The following SH3GL2 variants were observed in gnomAD, a reference collection of about 807,000 sequenced individuals.
SH3GL2 encodes the protein endophilin-A1.
Under a neutral mutation model 46.0 loss-of-function variants are expected in SH3GL2, and 24 were observed. That is an observed-to-expected ratio of 0.52 (90% CI 0.38 to 0.73). The LOEUF is 0.73. Ranked by LOEUF, SH3GL2 falls within the 30% of genes least tolerant of loss-of-function variation. The pLI, the probability that SH3GL2 is intolerant of heterozygous loss-of-function variation, is 0.00. For missense variants in SH3GL2, 413 were observed against 424.2 expected (o/e 0.97, Z 0.23); for synonymous variants, 196 against 147.1 (o/e 1.33, Z -2.40).
At chr9:17,622,294 C>T (rs1426740933) in intron 1 of SH3GL2, among the ~76,000 whole-genome samples, 4 of 152,088 alleles carry the variant, frequency 2.6e-5, no homozygotes, top group South Asian at 2.1e-4. Flanking sequence ...CTAGGAGAAT[C>T]GTAATATGCA....
chr9:17,746,957 AT>A, intron 1 of SH3GL2, 108 bp from the exon 2 acceptor site: 2 of 698,956 alleles, frequency 2.9e-6, no homozygotes, highest in South Asian at 3.9e-5. Context: ...AAGTCAGGGA[AT>A]GGTTGTGAGA....
intron 1 of SH3GL2, among the ~76,000 whole-genome samples, chr9:17,615,355 T>G (rs2383038): frequency 0.58 from 87,813 of 151,992 alleles, 27,334 homozygotes; most frequent in Non-Finnish European, 0.69. Context: ...TTTTCCTTGA[T>G]TTTAAAATTT....
intron 1 of SH3GL2, among the ~76,000 whole-genome samples, chr9:17,619,528 A>G (rs1819082406): frequency 6.6e-6 from 1 of 151,974 alleles, no homozygotes; most frequent in South Asian, 2.1e-4. Flanking sequence ...AAATACAAAA[A>G]TTAGCTGGGC....
At position 17,763,545 on chromosome 9, in the gene SH3GL2, C is replaced by G. The variant is rs546324755; in HGVS notation, c.187+2036C>G. 5.9e-5 allele frequency among the ~76,000 whole-genome samples: 9 copies of G among 152,258 alleles called. No individual in the cohort carries two copies. The South Asian group carries it at 1.9e-3, about 32-fold the overall frequency. On this transcript the variant is annotated intron_variant, in intron 3 of 8. Transcript: ENST00000380607. ...AAAGGAATGCCAGGAGCCACCACCA[C>G]AAGCTGGAAGACATGAGGAAGGATT...
At chr9:17,582,023 G>A (rs1412049243) in intron 1 of SH3GL2, among the ~76,000 whole-genome samples, 1 of 152,136 alleles carries the variant, frequency 6.6e-6, no homozygotes, top group African/African-American at 2.4e-5. Flanking sequence ...TCACGCAAAC[G>A]TTTCTTTCTA....
chr9:17,642,173 G>T (rs1235036676), intron 1 of SH3GL2, among the ~76,000 whole-genome samples: 1 of 152,124 alleles, frequency 6.6e-6, no homozygotes, highest in Non-Finnish European at 1.5e-5. Flanking sequence ...AAAAGTGTCT[G>T]TTCATATCCT....
chr9:17,597,590 CTTAT>C (rs1818597899), intron 1 of SH3GL2, among the ~76,000 whole-genome samples: 1 of 151,852 alleles, frequency 6.6e-6, no homozygotes, highest in South Asian at 2.1e-4. Flanking sequence ...AACTTTGTTA[CTTAT>C]GTATTCTGTA....
chr9:17,579,617 G>T (rs1818238248), intron 1 of SH3GL2, among the ~76,000 whole-genome samples: 1 of 152,206 alleles, frequency 6.6e-6, no homozygotes, highest in South Asian at 2.1e-4. Flanking sequence ...GCGCGCAGGT[G>T]CCTTGGCGGC....
intron 4 of SH3GL2, 129 bp downstream of exon 4, chr9:17,786,653 A>T: frequency 1.2e-6 from 1 of 831,756 alleles, no homozygotes; most frequent in Non-Finnish European, 1.9e-6. Context: ...TCCTACACAC[A>T]TGGGCCAAAA....
chr9:17,792,555 T>C (rs562602195), intron 7 of SH3GL2, among the ~76,000 whole-genome samples: 1 of 152,308 alleles, frequency 6.6e-6, no homozygotes, highest in East Asian at 1.9e-4. Context: ...AATTTCCTTT[T>C]GTCTTCCCTC....
At chr9:17,654,700 A>G (rs929134655) in intron 1 of SH3GL2, among the ~76,000 whole-genome samples, 1 of 152,226 alleles carries the variant, frequency 6.6e-6, no homozygotes, top group Non-Finnish European at 1.5e-5. Flanking sequence ...ATTATCACTG[A>G]CTGTATGAAC....
intron 2 of SH3GL2, among the ~76,000 whole-genome samples, chr9:17,756,835 A>G (rs1823007621): frequency 6.6e-6 from 1 of 152,138 alleles, no homozygotes; most frequent in African/African-American, 2.4e-5. Flanking sequence ...CTTTGGGTAT[A>G]TACCCAGTAA....
At chr9:17,787,352 A>G in intron 4 of SH3GL2, 28 bp from the exon 5 acceptor site, 1 of 1,600,072 alleles carries the variant, frequency 6.2e-7, no homozygotes, top group Non-Finnish European at 8.5e-7. Flanking sequence ...TTTATTCTGT[A>G]ACATGAAAGA....
rs3837228 is a variant in SH3GL2, at chr9:17,709,680, TACACACACACAC to T, written c.46-37363_46-37352del. On this transcript the variant is annotated intron_variant, in intron 1 of 8. Coordinates refer to ENST00000380607, the MANE Select transcript of SH3GL2 (RefSeq NM_003026.5). The stretch of plus-strand genomic sequence containing the variant: ...TATATATAGTTTAACTTATTTGTAT[TACACACACACAC>T]ACACACACACACACACACACACGTT... Among the ~76,000 whole-genome samples, 1,298 of 148,272 alleles carry T rather than the reference TACACACACACAC, an allele frequency of 8.8e-3. 25 individuals carry two copies. Among genetic ancestry groups the T allele is most frequent in the African/African-American group, 0.03 (1,212 of 40,172 alleles).
At position 17,660,520 on chromosome 9, in the gene SH3GL2, A is replaced by G. The variant is rs1311759187; in HGVS notation, c.45+81233A>G. Among the ~76,000 whole-genome samples, 3 of 152,224 alleles carry G rather than the reference A, an allele frequency of 2.0e-5. No individual in the cohort carries two copies. In the East Asian group the frequency reaches 5.8e-4, roughly 29 times the overall value. On this transcript the variant is annotated intron_variant, in intron 1 of 8. Transcript: ENST00000380607. ...AGGTGTGATATTTGGTACACAATAG[A>G]TGGTCATTAAATATTTCCCTTTTTC...
intron 1 of SH3GL2, among the ~76,000 whole-genome samples, chr9:17,679,641 C>T (rs1443702918): frequency 1.3e-5 from 2 of 152,068 alleles, no homozygotes; most frequent in Non-Finnish European, 2.9e-5. Flanking sequence ...GCCTGATTGC[C>T]CTGGCCAGAA....
intron 1 of SH3GL2, among the ~76,000 whole-genome samples, chr9:17,695,127 C>T (rs1415855833): frequency 6.6e-6 from 1 of 152,162 alleles, no homozygotes; most frequent in Non-Finnish European, 1.5e-5. Context: ...TAAGAAATGT[C>T]ATCCCATTCT....
rs920938770 is a variant in SH3GL2, at chr9:17,609,278, G to GT, written c.45+30002dup. Among the ~76,000 whole-genome samples, 435 of 148,344 alleles carry GT rather than the reference G, an allele frequency of 2.9e-3. 2 individuals carry two copies. Among genetic ancestry groups the GT allele is most frequent in the African/African-American group, 7.9e-3 (320 of 40,564 alleles). On this transcript the variant is annotated intron_variant, in intron 1 of 8. Coordinates refer to ENST00000380607, the MANE Select transcript of SH3GL2 (RefSeq NM_003026.5). ...TAGAGTTTGAAGCCAGGTAGTCAGA[G>GT]TTTTTTTTTTTCTGGATATTTTGCA...
chr9:17,686,466 G>T (rs1350787378), intron 1 of SH3GL2, among the ~76,000 whole-genome samples: 12 of 144,010 alleles, frequency 8.3e-5, no homozygotes, highest in Non-Finnish European at 1.8e-4. Context: ...TATAAATCAT[G>T]CTGCTATAAA....
Sources: allele counts gnomAD v4.1 joint callset (sites outside exome capture counted in the v4.1 genomes callset), GRCh38; gene constraint gnomAD v4.1.1; transcripts MANE v1.5; gene names NCBI Gene and HGNC (gene_info 2026-07-23, HGNC 2026-07-21).